ZFHX3: variants seen among roughly 807,000 people sequenced by gnomAD.
ZFHX3 encodes the protein zinc finger homeobox protein 3.
ZFHX3 carries 42 observed loss-of-function variants against 279.1 expected under a neutral mutation model. The observed-to-expected ratio is 0.15, with a 90% CI of 0.12 to 0.19. ZFHX3 has a LOEUF of 0.19. Ranked by LOEUF, ZFHX3 falls within the 10% of genes least tolerant of loss-of-function variation. The pLI is 1.00. For missense variants in ZFHX3, 4,981 were observed against 4,754.0 expected, an observed-to-expected ratio of 1.05 and a Z score of -1.40; for synonymous variants, 2,293 against 1,957.8, an observed-to-expected ratio of 1.17 and a Z score of -4.52.
intron 1 of ZFHX3, among the ~76,000 whole-genome samples, chr16:73,041,018 C>G (rs1412334359): frequency 6.6e-6 from 1 of 152,244 alleles, no homozygotes; most frequent in African/African-American, 2.4e-5. Flanking sequence ...CAGAGGCCAC[C>G]TTTCCAAAGA....
At chr16:72,963,350 C>A (rs1961677335) in intron 1 of ZFHX3, among the ~76,000 whole-genome samples, 1 of 152,172 alleles carries the variant, frequency 6.6e-6, no homozygotes, top group Admixed American at 6.5e-5. Flanking sequence ...CTGCTCACAA[C>A]CCCCAATGTT....
chr16:73,162,572 A>G (rs11866596), intron 5 of ZFHX3, among the ~76,000 whole-genome samples: 43,635 of 152,130 alleles, frequency 0.29, 6,554 homozygotes, highest in Admixed American at 0.37. Flanking sequence ...ATGTATTCCA[A>G]TGTCATAATT....
chr16:73,367,917 G>A (rs538227790), intron 3 of ZFHX3, among the ~76,000 whole-genome samples: 1 of 147,418 alleles, frequency 6.8e-6, no homozygotes, highest in Non-Finnish European at 1.5e-5. Flanking sequence ...TTCTCAGGCT[G>A]GAGTGCAGTG....
chr16:73,844,162 G>A lies in ZFHX3; in HGVS notation c.-1608+47489C>T, dbSNP rs141921336. Reference sequence around the variant, plus strand: ...GATGCCTGCAAAGAATACAGAAACAGGAGTGGCAACCACATGAAATAACAA... The same window carrying A: ...GATGCCTGCAAAGAATACAGAAACAAGAGTGGCAACCACATGAAATAACAA... On this transcript the variant is annotated intron_variant, in intron 1 of 17. Coordinates refer to the ZFHX3 transcript ENST00000641206. 6.1e-3 allele frequency among the ~76,000 whole-genome samples: 930 copies of A among 152,202 alleles called. 12 individuals carry two copies. Among genetic ancestry groups the A allele is most frequent in the African/African-American group, 0.021 (873 of 41,532 alleles).
chr16:73,009,484 A>C lies in ZFHX3; in HGVS notation c.-50+38268T>G, dbSNP rs577081394. On this transcript the variant is annotated intron_variant, in intron 1 of 9. Coordinates refer to ENST00000268489, the MANE Select transcript of ZFHX3 (RefSeq NM_006885.4). ...AATGCTTCATCTATTTAAAAAAAAA[A>C]CTCATTCCATATGGATGAAAAATGA... 7.9e-5 allele frequency among the ~76,000 whole-genome samples: 12 copies of C among 152,224 alleles called. No individual in the cohort carries two copies. In the South Asian group the frequency reaches 2.5e-3, roughly 32 times the overall value.
At position 72,797,242 on chromosome 16, in the gene ZFHX3, T is replaced by C. The variant is rs1344364357; in HGVS notation, c.5440A>G (p.Ser1814Gly). ...AGTGCCCCACTGGTCACTGGCAAGC[T>C]CACCTCGGGGTTAAGCTGGAACTCA... ...SAEFQLNPEV[S>G]LPVTSGALTL... Residue 1814 changes from serine to glycine, a missense_variant, in exon 9 of 10, where the codon AGC becomes GGC. Around this residue, in one of 7 missense-constraint regions of ZFHX3, gnomAD observed 1,751 missense variants for 1,770.0 expected, o/e 0.99. Transcript: ENST00000268489. 6.2e-7 allele frequency: 1 copy of C among 1,613,820 alleles called. No homozygotes were observed. Among genetic ancestry groups the C allele is most frequent in the Non-Finnish European group, 8.5e-7 (1 of 1,179,890 alleles).
At chr16:73,491,795 T>A (rs905101781) in intron 2 of ZFHX3, among the ~76,000 whole-genome samples, 1 of 152,058 alleles carries the variant, frequency 6.6e-6, no homozygotes, top group Non-Finnish European at 1.5e-5. Context: ...GTCACTGACA[T>A]CTAGTAGGTA....
chr16:73,093,494 G>C, exon 8 of ZFHX3: 1 of 503,510 alleles, frequency 2.0e-6, no homozygotes, highest in Non-Finnish European at 4.0e-6. Context: ...CCTGTAAGAA[G>C]AGATGGAGTC....
chr16:72,806,060 T>G (rs2036255074), intron 7 of ZFHX3: 1 of 152,262 alleles, frequency 6.6e-6, no homozygotes, highest in Non-Finnish European at 1.5e-5. Context: ...CAGCAATTTT[T>G]TGTGTGTTTT....
chr16:73,039,117 TAAAA>T (rs11343058), intron 1 of ZFHX3, among the ~76,000 whole-genome samples: 1 of 133,800 alleles, frequency 7.5e-6, no homozygotes. Context: ...CCTAGCTAAT[TAAAA>T]AAAAAAAAAA....
intron 2 of ZFHX3, among the ~76,000 whole-genome samples, chr16:73,673,831 A>T (rs2052927492): frequency 6.6e-6 from 1 of 152,170 alleles, no homozygotes; most frequent in Non-Finnish European, 1.5e-5. Context: ...GTGAAGCTCC[A>T]TGAAAACTAG....
At chr16:73,531,873 A>G (rs964642485) in intron 2 of ZFHX3, among the ~76,000 whole-genome samples, 8 of 151,530 alleles carry the variant, frequency 5.3e-5, no homozygotes, top group African/African-American at 1.9e-4. Context: ...AAGATTGCTT[A>G]AGACCAGGAG....
chr16:72,791,885 A>G (rs1301091629), intron 9 of ZFHX3, among the ~76,000 whole-genome samples: 1 of 152,206 alleles, frequency 6.6e-6, no homozygotes, highest in African/African-American at 2.4e-5. Context: ...ACACCACTCA[A>G]AGTGTAAAAT....
intron 2 of ZFHX3, among the ~76,000 whole-genome samples, chr16:73,624,997 T>A (rs1429928003): frequency 6.6e-6 from 1 of 152,220 alleles, no homozygotes; most frequent in African/African-American, 2.4e-5. Context: ...GATGGACAAA[T>A]TTCATTTTTC....
chr16:73,782,168 A>C (rs1197448473), intron 1 of ZFHX3, among the ~76,000 whole-genome samples: 1 of 152,180 alleles, frequency 6.6e-6, no homozygotes. Context: ...TTAACCGTAC[A>C]CGGAGCTCCT....
intron 2 of ZFHX3, among the ~76,000 whole-genome samples, chr16:73,607,585 G>A (rs1226963550): frequency 6.6e-6 from 1 of 152,050 alleles, no homozygotes; most frequent in East Asian, 1.9e-4. Context: ...TGTTTTTGAA[G>A]ATCCAACGAG....
intron 8 of ZFHX3, among the ~76,000 whole-genome samples, chr16:73,090,985 G>C (rs1966071379): frequency 6.6e-6 from 1 of 150,868 alleles, no homozygotes; most frequent in Admixed American, 6.6e-5. Context: ...GCTGTGGCTA[G>C]CGGATCACAA....
chr16:73,041,713 T>G (rs1406180076), intron 1 of ZFHX3, among the ~76,000 whole-genome samples: 2 of 152,148 alleles, frequency 1.3e-5, no homozygotes, highest in Admixed American at 1.3e-4. Context: ...TCTTCTAAAG[T>G]GTCCAAAAGT....
chr16:73,439,283 G>A (rs1277876168), intron 3 of ZFHX3, among the ~76,000 whole-genome samples: 2 of 152,262 alleles, frequency 1.3e-5, no homozygotes, highest in African/African-American at 4.8e-5. Context: ...ACACAGTTTG[G>A]AATATTAAAA....
Sources: allele counts gnomAD v4.1 joint callset (sites outside exome capture counted in the v4.1 genomes callset), GRCh38; gene constraint gnomAD v4.1.1; regional missense constraint gnomAD v4.1.1; transcripts MANE v1.5; gene names NCBI Gene and HGNC (gene_info 2026-07-23, HGNC 2026-07-21).